GNPTAB: variants seen among roughly 807,000 people sequenced by gnomAD.
The protein encoded by GNPTAB is N-acetylglucosamine-1-phosphate transferase subunits alpha and beta, also known as N-acetylglucosamine-1-phosphotransferase subunits alpha/beta.
A neutral mutation model predicts 136.6 loss-of-function variants in GNPTAB; 92 were observed. The ratio of observed to expected loss-of-function variants is 0.67; its 90% CI spans 0.57 to 0.80. The LOEUF (loss-of-function observed/expected upper bound fraction) is 0.80. Among genes scored for constraint, GNPTAB ranks in the 30% least tolerant of loss-of-function variants. The probability of loss-of-function intolerance (pLI) is 0.00; values close to 1 mark genes in which losing one functional copy is unlikely to be tolerated. For missense variants in GNPTAB, 1,343 were observed against 1,501.8 expected (o/e 0.89, Z 1.75); for synonymous variants, 512 against 535.1 (o/e 0.96, Z 0.60).
At chr12:101,814,090 A>AG (rs1491024996) in intron 1 of GNPTAB, among the ~76,000 whole-genome samples, 45 of 142,754 alleles carry the variant, frequency 3.2e-4, no homozygotes, top group African/African-American at 4.0e-4. Context: ...AAAAAAAAAA[A>AG]AGAGTTCAAG....
At chr12:101,829,133 GTC>G (rs921557847) in intron 1 of GNPTAB, among the ~76,000 whole-genome samples, 2 of 152,164 alleles carry the variant, frequency 1.3e-5, no homozygotes, top group Non-Finnish European at 2.9e-5. Context: ...GCAACAAAAT[GTC>G]TCTCTTTTGG....
intron 13 of GNPTAB, among the ~76,000 whole-genome samples, chr12:101,763,690 C>T (rs1464096717): frequency 6.6e-6 from 1 of 152,172 alleles, no homozygotes; most frequent in Non-Finnish European, 1.5e-5. Context: ...TCTTGCATTC[C>T]CCAGTGGTTA....
At chr12:101,799,572 C>A (rs1217954668) in intron 1 of GNPTAB, among the ~76,000 whole-genome samples, 1 of 152,152 alleles carries the variant, frequency 6.6e-6, no homozygotes, top group East Asian at 1.9e-4. Flanking sequence ...GCTTTCCTTA[C>A]CTGTAATGCT....
intron 1 of GNPTAB, among the ~76,000 whole-genome samples, chr12:101,821,036 C>T (rs11111044): frequency 5.4e-5 from 7 of 129,306 alleles, no homozygotes; most frequent in East Asian, 2.4e-4. Context: ...CCAGACTGGG[C>T]GGCAGAGTGA....
intron 1 of GNPTAB, among the ~76,000 whole-genome samples, chr12:101,829,819 ACACTTG>A (rs1871274167): frequency 6.6e-6 from 1 of 152,128 alleles, no homozygotes; most frequent in African/African-American, 2.4e-5. Flanking sequence ...CATTAAACAA[ACACTTG>A]CACTGCATTC....
rs774319874 is a variant in GNPTAB, at chr12:101,761,638, T to G, written c.2841A>C (p.Gly947=). Residue 947 remains glycine (G), a synonymous_variant, in exon 14 of 21, where the codon GGA becomes GGC. Transcript: ENST00000299314. The part of the protein sequence containing the change: ...YVNKILNSKF[G]FTSRKVPAHM... ...GAGCAGGGACTTTCCGCGATGTGAA[T>G]CCAAACTTGCTATTTAGAATTTTAT... is the stretch of plus-strand genomic sequence containing the variant. The G allele has an allele frequency of 8.1e-6, 13 of 1,614,194 alleles. No homozygotes were observed. In the South Asian group the frequency reaches 1.3e-4, roughly 16 times the overall value.
intron 7 of GNPTAB, chr12:101,773,440 G>A (rs891872928): frequency 2.9e-5 from 6 of 206,966 alleles, no homozygotes; most frequent in Admixed American, 5.5e-5. Context: ...GGCAGTGGGC[G>A]AAGCTGAGGG....
chr12:101,807,818 T>C (rs1006264382), intron 1 of GNPTAB, among the ~76,000 whole-genome samples: 3 of 152,138 alleles, frequency 2.0e-5, no homozygotes, highest in Non-Finnish European at 4.4e-5. Context: ...TAGTCCCAGC[T>C]ACTCAGTGGA....
At chr12:101,796,170 A>G in intron 2 of GNPTAB, 1 of 699,760 alleles carries the variant, frequency 1.4e-6, no homozygotes, top group Non-Finnish European at 2.6e-6. Flanking sequence ...GACGCTGTCA[A>G]CAGAATTCCG....
At chr12:101,800,663 A>C (rs1869567416) in intron 1 of GNPTAB, among the ~76,000 whole-genome samples, 1 of 151,336 alleles carries the variant, frequency 6.6e-6, no homozygotes, top group Non-Finnish European at 1.5e-5. Flanking sequence ...CCATAATCCC[A>C]GCTACTAGGG....
intron 1 of GNPTAB, among the ~76,000 whole-genome samples, chr12:101,821,383 G>C (rs537229776): frequency 2.6e-5 from 4 of 152,340 alleles, no homozygotes; most frequent in African/African-American, 9.6e-5. Context: ...TTGTGACCAG[G>C]ATGCTGAGCA....
intron 9 of GNPTAB, 80 bp downstream of exon 9, chr12:101,770,326 G>T: frequency 7.4e-7 from 1 of 1,353,332 alleles, no homozygotes; most frequent in Admixed American, 1.7e-5. Flanking sequence ...TAAAGGGAAT[G>T]AAATTATGGA....
At chr12:101,807,725 T>A (rs1035963580) in intron 1 of GNPTAB, among the ~76,000 whole-genome samples, 1 of 151,052 alleles carries the variant, frequency 6.6e-6, no homozygotes, top group Non-Finnish European at 1.5e-5. Flanking sequence ...AGGACAAGAG[T>A]TCGAGACCAG....
Position 101,771,165 on chromosome 12 carries a change from A to G in GNPTAB, c.772-8T>C. On this transcript the variant is annotated splice_polypyrimidine_tract_variant and splice_region_variant and intron_variant, in intron 7 of 20. Transcript: ENST00000299314. ...CTCTGAATACAACTGCAACTATCAAATAACAAGAGGATTACACATGAAAAG... is the reference window on the plus strand; with the variant it reads ...CTCTGAATACAACTGCAACTATCAAGTAACAAGAGGATTACACATGAAAAG... 5 of 1,611,360 alleles carry G rather than the reference A, an allele frequency of 3.1e-6. No individual in the cohort carries two copies. Among genetic ancestry groups the G allele is most frequent in the Non-Finnish European group, 4.2e-6 (5 of 1,177,476 alleles).
At chr12:101,786,327 T>A in intron 4 of GNPTAB, 110 bp from the exon 5 acceptor site, 1 of 831,342 alleles carries the variant, frequency 1.2e-6, no homozygotes. Flanking sequence ...CCATAAAAAA[T>A]GATAATATTT....
chr12:101,803,484 G>C lies in GNPTAB; in HGVS notation c.118-6722C>G, dbSNP rs118133176. 1.9e-4 allele frequency among the ~76,000 whole-genome samples: 29 copies of C among 152,292 alleles called. No individual in the cohort carries two copies. The East Asian group carries it at 5.4e-3, about 28-fold the overall frequency. On this transcript the variant is annotated intron_variant, in intron 1 of 20. Transcript: ENST00000299314. The stretch of plus-strand genomic sequence containing the variant: ...ACTTTAAAAAATTAGGAGTTCAATG[G>C]TTATTAACACAGGAATGATTTCTTC...
Position 101,773,386 on chromosome 12 carries a change from G to A in GNPTAB, c.772-2229C>T, listed in dbSNP as rs141783973. 5.5e-4 allele frequency: 159 copies of A among 289,792 alleles called. 3 individuals carry two copies. Among genetic ancestry groups the A allele is most frequent in the African/African-American group, 1.6e-3 (72 of 44,728 alleles). The allele number at this position is 289,792 out of a possible 1,614,324, so 18.0% of individuals were successfully genotyped here. Reference sequence around the variant, plus strand: ...TCGGATCCTGCTTATACATTTTCACGAAGTCCCGAAGCTCGTTCACTTTGC... The same window carrying A: ...TCGGATCCTGCTTATACATTTTCACAAAGTCCCGAAGCTCGTTCACTTTGC... On this transcript the variant is annotated intron_variant, in intron 7 of 20. Coordinates refer to ENST00000299314, the MANE Select transcript of GNPTAB (RefSeq NM_024312.5).
At chr12:101,814,962 T>A (rs1226285214) in intron 1 of GNPTAB, among the ~76,000 whole-genome samples, 1 of 152,204 alleles carries the variant, frequency 6.6e-6, no homozygotes, top group Non-Finnish European at 1.5e-5. Context: ...TGTCCTAATA[T>A]TATTACGAAA....
chr12:101,770,117 T>C lies in GNPTAB; in HGVS notation c.1188A>G (p.Glu396=). The C allele has an allele frequency of 6.2e-7, 1 of 1,614,134 alleles. No individual in the cohort carries two copies. The highest frequency in any genetic ancestry group is 1.1e-5 in the South Asian group (1 of 91,084). The change falls in exon 10 of 21, where the codon GAA becomes GAG. Residue 396 remains glutamate, a synonymous_variant. Coordinates refer to ENST00000299314, the MANE Select transcript of GNPTAB (RefSeq NM_024312.5). ...PAIESHIHRI[E]GLSQKFIYLN... ...GGTAAATAAACTTCTGGGACAGCCC[T>C]TCGATGCGATGAATGTGACTTTCAA...
Sources: allele counts gnomAD v4.1 joint callset (sites outside exome capture counted in the v4.1 genomes callset), GRCh38; gene constraint gnomAD v4.1.1; transcripts MANE v1.5; gene names NCBI Gene and HGNC (gene_info 2026-07-23, HGNC 2026-07-21).